SHISA9: variants seen among roughly 807,000 people sequenced by gnomAD.
SHISA9 encodes protein shisa-9.
In SHISA9, 13 loss-of-function variants were observed where a neutral mutation model predicts 38.0. The ratio of observed to expected loss-of-function variants is 0.34; its 90% CI spans 0.22 to 0.54. The LOEUF is 0.54. Among genes scored for constraint, SHISA9 ranks in the 20% least tolerant of loss-of-function variants. The pLI, the probability that SHISA9 is intolerant of heterozygous loss-of-function variation, is 0.91. For missense variants in SHISA9, 538 were observed against 575.8 expected, an observed-to-expected ratio of 0.93 and a Z score of 0.67; for synonymous variants, 275 against 242.0, an observed-to-expected ratio of 1.14 and a Z score of -1.27.
chr16:13,106,552 A>G (rs1364595766), intron 2 of SHISA9, among the ~76,000 whole-genome samples: 1 of 152,092 alleles, frequency 6.6e-6, no homozygotes, highest in East Asian at 1.9e-4. Context: ...GGGACATTCA[A>G]TCCTGTATAT....
In SHISA9 at chr16:13,199,163, C is replaced by T. The variant is rs953019380; in HGVS notation, c.692-4231C>T. On this transcript the variant is annotated intron_variant, in intron 2 of 4. Transcript: ENST00000558583. ...CCTAGTAGGTTGAGTCTGAGACTGA[C>T]GGATCAAACAGATGAGAGAAAGGAC... Among the ~76,000 whole-genome samples the T allele has an allele frequency of 3.3e-5, 5 of 152,178 alleles. No individual in the cohort carries two copies. The South Asian group carries it at 8.3e-4, about 25-fold the overall frequency.
At chr16:13,551,557 G>A in the SHISA9 span, among the ~76,000 whole-genome samples, 1 of 152,156 alleles carries the variant, frequency 6.6e-6, no homozygotes, top group East Asian at 1.9e-4. Context: ...ACAAACAGAA[G>A]CATATGTGAC....
chr16:13,388,322 T>C, the SHISA9 span, among the ~76,000 whole-genome samples: 15 of 151,820 alleles, frequency 9.9e-5, no homozygotes, highest in East Asian at 2.9e-3. Flanking sequence ...TTTTTTTTTT[T>C]TTTTTTTAAG....
At chr16:13,168,199 G>T (rs1446223612) in intron 2 of SHISA9, among the ~76,000 whole-genome samples, 1 of 152,090 alleles carries the variant, frequency 6.6e-6, no homozygotes, top group African/African-American at 2.4e-5. Context: ...GCTGACTCAG[G>T]GTTGATTACC....
At chr16:13,112,345 G>A (rs958741429) in intron 2 of SHISA9, among the ~76,000 whole-genome samples, 2 of 151,952 alleles carry the variant, frequency 1.3e-5, no homozygotes, top group Non-Finnish European at 2.9e-5. Context: ...AAAAAAGGAA[G>A]AAAGATGGGA....
the SHISA9 span, among the ~76,000 whole-genome samples, chr16:13,295,954 T>C: frequency 1.3e-5 from 2 of 152,172 alleles, no homozygotes; most frequent in Non-Finnish European, 2.9e-5. Flanking sequence ...CAAATACACC[T>C]TTTTTGAGCC....
intron 2 of SHISA9, among the ~76,000 whole-genome samples, chr16:13,120,820 A>G (rs1426522641): frequency 6.6e-6 from 1 of 152,144 alleles, no homozygotes; most frequent in Admixed American, 6.5e-5. Flanking sequence ...TGCCTGTATG[A>G]CAGTCAGATT....
the SHISA9 span, among the ~76,000 whole-genome samples, chr16:13,435,805 G>T: frequency 0.25 from 38,627 of 152,068 alleles, 5,155 homozygotes; most frequent in Non-Finnish European, 0.27. Context: ...GGGCTTGGGG[G>T]TACTTCTGGG....
intron 2 of SHISA9, among the ~76,000 whole-genome samples, chr16:12,947,588 T>C (rs982283716): frequency 6.6e-6 from 1 of 152,182 alleles, no homozygotes; most frequent in Non-Finnish European, 1.5e-5. Flanking sequence ...TGGGGAGACA[T>C]CACGTGGTGG....
the SHISA9 span, among the ~76,000 whole-genome samples, chr16:13,377,100 C>A: frequency 6.6e-6 from 1 of 152,206 alleles, no homozygotes; most frequent in African/African-American, 2.4e-5. Context: ...AGCATCTCAC[C>A]ACCCAACGAG....
intron 4 of SHISA9, among the ~76,000 whole-genome samples, chr16:13,218,159 A>AG (rs1425669992): frequency 6.6e-6 from 1 of 152,198 alleles, no homozygotes; most frequent in African/African-American, 2.4e-5. Flanking sequence ...AAAGAAAAGT[A>AG]CGTCACAACA....
At chr16:13,296,494 T>C in the SHISA9 span, among the ~76,000 whole-genome samples, 2 of 152,062 alleles carry the variant, frequency 1.3e-5, no homozygotes, top group East Asian at 1.9e-4. Flanking sequence ...AAATGTTCTA[T>C]GTGGAAGGGC....
At position 12,917,581 on chromosome 16, in the gene SHISA9, G is replaced by A. The variant is rs572305815; in HGVS notation, c.691+766G>A. On this transcript the variant is annotated intron_variant, in intron 2 of 4. Transcript: ENST00000558583. ...CTGTATATACAATATACATCGTGGA[G>A]CTGATGCTCTGACCTATGAGACTGG... Among the ~76,000 whole-genome samples the A allele has an allele frequency of 2.2e-4, 33 of 152,264 alleles. 1 individual carries two copies. The highest frequency in any genetic ancestry group is 7.7e-4 in the African/African-American group (32 of 41,544).
At chr16:13,417,849 A>G in the SHISA9 span, among the ~76,000 whole-genome samples, 8 of 152,184 alleles carry the variant, frequency 5.3e-5, no homozygotes, top group African/African-American at 1.9e-4. Context: ...CCCTATCAAC[A>G]TGCTCGAATG....
At chr16:13,234,826 T>C (rs2051365252) in intron 4 of SHISA9, among the ~76,000 whole-genome samples, 1 of 152,258 alleles carries the variant, frequency 6.6e-6, no homozygotes, top group South Asian at 2.1e-4. Flanking sequence ...CTCTTGGTCC[T>C]GCTCTTTGTT....
At chr16:13,057,389 T>TG (rs959479906) in intron 2 of SHISA9, among the ~76,000 whole-genome samples, 5 of 152,150 alleles carry the variant, frequency 3.3e-5, no homozygotes, top group African/African-American at 9.7e-5. Context: ...CCTAATTGCC[T>TG]GGGGGGTTTA....
chr16:13,124,317 A>T (rs204043), intron 2 of SHISA9, among the ~76,000 whole-genome samples: 1 of 152,016 alleles, frequency 6.6e-6, no homozygotes, highest in East Asian at 1.9e-4. Flanking sequence ...GCTTTCTGAA[A>T]CTGAGAGGAA....
chr16:12,999,928 AT>A (rs2072503548), intron 2 of SHISA9, among the ~76,000 whole-genome samples: 1 of 152,232 alleles, frequency 6.6e-6, no homozygotes, highest in Non-Finnish European at 1.5e-5. Context: ...AAGCTGGGAA[AT>A]ACAGTTATTC....
Position 13,229,737 on chromosome 16 carries a change from G to A in SHISA9, c.896-5293G>A, listed in dbSNP as rs1472779316. ...CTCGTGGTCTAGTGGGGAAACAGATGTGAACACAGAAATTTATAAAACAGC... is the reference window on the plus strand; with the variant it reads ...CTCGTGGTCTAGTGGGGAAACAGATATGAACACAGAAATTTATAAAACAGC... On this transcript the variant is annotated intron_variant, in intron 4 of 4. Coordinates refer to ENST00000558583, the MANE Select transcript of SHISA9 (RefSeq NM_001145204.3). 7.2e-5 allele frequency among the ~76,000 whole-genome samples: 11 copies of A among 152,222 alleles called. No homozygotes were observed. In the East Asian group the frequency reaches 7.7e-4, roughly 11 times the overall value.
Sources: gnomAD v4.1 joint callset for allele counts (sites outside exome capture counted in the v4.1 genomes callset) on GRCh38, gnomAD v4.1.1 for gene constraint, MANE v1.5 for transcripts, NCBI Gene and HGNC (gene_info 2026-07-23, HGNC 2026-07-21) for gene names.